The following PPFIBP2 variants were observed in gnomAD, a reference collection of about 807,000 sequenced individuals.
PPFIBP2 encodes the protein liprin-beta-2.
Under a neutral mutation model 118.3 loss-of-function variants are expected in PPFIBP2, and 118 were observed. That is an observed-to-expected ratio of 1.00 (90% CI 0.86 to 1.16). The LOEUF (loss-of-function observed/expected upper bound fraction) is 1.16. Ranked by LOEUF, PPFIBP2 falls within the 50% of genes most tolerant of loss-of-function variation. PPFIBP2 has a pLI of 0.00. For synonymous variants in PPFIBP2, 414 were observed against 397.4 expected, an observed-to-expected ratio of 1.04 and a Z score of -0.50; for missense variants, 1,195 against 1,073.1, an observed-to-expected ratio of 1.11 and a Z score of -1.59.
At chr11:7,655,355 C>A, downstream of PPFIBP2, 2 of 1,138,422 alleles carry the variant, frequency 1.8e-6, no homozygotes, top group South Asian at 1.3e-5. Context: ...GGCTTGAGCA[C>A]GACAGGACTT....
chr11:7,524,094 T>G (rs1181470769), intron 1 of PPFIBP2, among the ~76,000 whole-genome samples: 1 of 151,956 alleles, frequency 6.6e-6, no homozygotes, highest in African/African-American at 2.4e-5. Context: ...ACTACTTGGT[T>G]GACAACTCTG....
intron 1 of PPFIBP2, among the ~76,000 whole-genome samples, chr11:7,541,551 C>T (rs1028998450): frequency 2.0e-5 from 3 of 152,188 alleles, no homozygotes; most frequent in African/African-American, 7.2e-5. Flanking sequence ...TTTGTCCATT[C>T]CTCTTCTCCC....
In PPFIBP2 at chr11:7,639,800, T is replaced by C. The variant is rs750328975; in HGVS notation, c.1305T>C (p.Asn435=). 6.8e-6 allele frequency: 11 copies of C among 1,613,896 alleles called. No individual in the cohort carries two copies. The Admixed American group carries it at 1.7e-4, about 24-fold the overall frequency. Residue 435 remains asparagine (N), a synonymous_variant, in exon 15 of 24, where the codon AAT becomes AAC. Coordinates refer to ENST00000299492, the MANE Select transcript of PPFIBP2 (RefSeq NM_003621.5). ...GGAAGCTTTCAGGAGCCACGCCCAA[T>C]GGAGAGGCTGCCAAATCTCCTCCCA... ...LPGKLSGATP[N]GEAAKSPPTI... is the part of the protein sequence containing the mutation.
intron 6 of PPFIBP2, among the ~76,000 whole-genome samples, chr11:7,612,981 T>C (rs985390612): frequency 7.9e-5 from 12 of 152,218 alleles, no homozygotes; most frequent in Non-Finnish European, 7.3e-5. Context: ...GAGGTTGTAA[T>C]TGCATGAATA....
chr11:7,639,967 A>G, intron 15 of PPFIBP2, 97 bp downstream of exon 15: 1 of 1,466,772 alleles, frequency 6.8e-7, no homozygotes, highest in South Asian at 1.4e-5. Context: ...ACAATCCACA[A>G]TTGGAGAATG....
chr11:7,628,281 T>C lies in PPFIBP2; in HGVS notation c.827-4T>C. The C allele has an allele frequency of 6.2e-7, 1 of 1,613,026 alleles. No homozygotes were observed. Among genetic ancestry groups the C allele is most frequent in the Non-Finnish European group, 8.5e-7 (1 of 1,179,092 alleles). On this transcript the variant is annotated splice_polypyrimidine_tract_variant and splice_region_variant and intron_variant, in intron 8 of 23. Coordinates refer to ENST00000299492, the MANE Select transcript of PPFIBP2 (RefSeq NM_003621.5). ...TAATTATTTCTATACCTGAATTCTTTTAGACCAAGAAATTCAACGTCTGAA... is the reference window on the plus strand; with the variant it reads ...TAATTATTTCTATACCTGAATTCTTCTAGACCAAGAAATTCAACGTCTGAA...
intron 1 of PPFIBP2, among the ~76,000 whole-genome samples, 180 bp from the exon 2 acceptor site, chr11:7,549,260 A>T (rs939108653): frequency 6.6e-6 from 1 of 152,206 alleles, no homozygotes; most frequent in Non-Finnish European, 1.5e-5. Flanking sequence ...CTAAAGATTC[A>T]TGGAAAAAGC....
chr11:7,620,852 A>T, intron 6 of PPFIBP2, 83 bp from the exon 7 acceptor site: 3 of 941,976 alleles, frequency 3.2e-6, no homozygotes. Context: ...GCTGCACCCC[A>T]TATGCATGAG....
At chr11:7,644,440 T>A (rs2135935857) in intron 17 of PPFIBP2, among the ~76,000 whole-genome samples, 2 of 152,374 alleles carry the variant, frequency 1.3e-5, no homozygotes, top group Admixed American at 1.3e-4. Flanking sequence ...GCAAACAGGC[T>A]CTAGAGCCAC....
At chr11:7,514,798 T>A (rs1849087743) in intron 1 of PPFIBP2, among the ~76,000 whole-genome samples, 2 of 152,214 alleles carry the variant, frequency 1.3e-5, no homozygotes, top group African/African-American at 4.8e-5. Flanking sequence ...CTTCCAGCGT[T>A]TGGATAGGAT....
intron 5 of PPFIBP2, among the ~76,000 whole-genome samples, chr11:7,606,967 G>A (rs1287167855): frequency 8.2e-6 from 1 of 121,584 alleles, no homozygotes; most frequent in African/African-American, 3.2e-5. Context: ...CTGGAGTGCA[G>A]TGGCACGATC....
At chr11:7,545,815 A>G (rs1852266559) in intron 1 of PPFIBP2, among the ~76,000 whole-genome samples, 1 of 152,214 alleles carries the variant, frequency 6.6e-6, no homozygotes, top group Admixed American at 6.5e-5. Flanking sequence ...CTCCTGCAGG[A>G]TGGGCTGGTT....
chr11:7,634,440 G>A, intron 12 of PPFIBP2, 55 bp from the exon 13 acceptor site: 5 of 1,371,948 alleles, frequency 3.6e-6, no homozygotes, highest in Non-Finnish European at 5.2e-6. Flanking sequence ...CTCTGCATGA[G>A]TGATAACATG....
At chr11:7,542,633 CAA>C (rs1851915409) in intron 1 of PPFIBP2, among the ~76,000 whole-genome samples, 2 of 152,268 alleles carry the variant, frequency 1.3e-5, no homozygotes, top group South Asian at 4.1e-4. Context: ...TTGAATTAAA[CAA>C]AGTCTTCACC....
At chr11:7,635,349 C>G (rs976851689) in intron 13 of PPFIBP2, among the ~76,000 whole-genome samples, 3 of 152,238 alleles carry the variant, frequency 2.0e-5, no homozygotes, top group African/African-American at 7.2e-5. Flanking sequence ...GGTCATGTTG[C>G]TGGCAGCTGC....
rs749121966 is a variant in PPFIBP2, at chr11:7,634,572, C to T, written c.1194+20C>T. The T allele has an allele frequency of 8.7e-6, 14 of 1,602,332 alleles. No individual in the cohort carries two copies. Among genetic ancestry groups the T allele is most frequent in the Admixed American group, 8.3e-5 (5 of 59,994 alleles). On this transcript the variant is annotated intron_variant, in intron 13 of 23. Transcript: ENST00000299492. ...GATAAGGTCGGCTCATCAACCTATC[C>T]TTAAAGATGACTGAGTTACTTTTTT... is the stretch of plus-strand genomic sequence containing the variant.
intron 1 of PPFIBP2, among the ~76,000 whole-genome samples, chr11:7,541,836 G>A (rs1851816678): frequency 6.6e-6 from 1 of 152,080 alleles, no homozygotes; most frequent in Admixed American, 6.6e-5. Flanking sequence ...TGTTGCTCCT[G>A]CAGGCCTCCA....
rs1261451826 is a variant in PPFIBP2, at chr11:7,616,227, C to T, written c.619-4708C>T. Among the ~76,000 whole-genome samples the T allele has an allele frequency of 6.6e-6, 1 of 152,074 alleles. No homozygotes were observed. The highest frequency in any genetic ancestry group is 1.5e-5 in the Non-Finnish European group (1 of 68,012). ...ATTCCATGGATGCCTCTGACAGATACAAAAAATTTAGGACAATAGTCCCCC... is the reference window on the plus strand; with the variant it reads ...ATTCCATGGATGCCTCTGACAGATATAAAAAATTTAGGACAATAGTCCCCC... On this transcript the variant is annotated intron_variant, in intron 6 of 23. Transcript: ENST00000299492. The surrounding 1 kb of genome is among the most constrained non-coding windows in gnomAD (Gnocchi z 5.2).
At chr11:7,649,473 T>C (rs988607138) in intron 20 of PPFIBP2, 59 bp from the exon 21 acceptor site, 19 of 1,604,634 alleles carry the variant, frequency 1.2e-5, no homozygotes, top group Non-Finnish European at 1.6e-5. Flanking sequence ...GTGAGGGACA[T>C]CAGGGGTCTT....
Sources: allele counts gnomAD v4.1 joint callset (sites outside exome capture counted in the v4.1 genomes callset), GRCh38; gene constraint gnomAD v4.1.1; non-coding constraint Gnocchi (gnomAD v3.1); transcripts MANE v1.5; gene names NCBI Gene and HGNC (gene_info 2026-07-23, HGNC 2026-07-21).